ARHGAP32: variants seen among roughly 807,000 people sequenced by gnomAD.
ARHGAP32 encodes the protein rho GTPase-activating protein 32.
Under a neutral mutation model 186.5 loss-of-function variants are expected in ARHGAP32, and 51 were observed. The ratio of observed to expected loss-of-function variants is 0.27; its 90% CI spans 0.22 to 0.35. The LOEUF is 0.35. Among genes scored for constraint, ARHGAP32 ranks in the 10% least tolerant of loss-of-function variants. The pLI, the probability that ARHGAP32 is intolerant of heterozygous loss-of-function variation, is 1.00. For missense variants in ARHGAP32, 2,186 were observed against 2,623.5 expected (o/e 0.83, Z 3.64); for synonymous variants, 950 against 964.3 (o/e 0.99, Z 0.27).
At chr11:129,146,910 G>C (rs1943177576) in intron 2 of ARHGAP32, among the ~76,000 whole-genome samples, 1 of 151,774 alleles carries the variant, frequency 6.6e-6, no homozygotes, top group Admixed American at 6.6e-5. Flanking sequence ...ACTCCATAAA[G>C]GGCTCCCTAA....
At chr11:129,274,753 A>G (rs967368215) in intron 1 of ARHGAP32, among the ~76,000 whole-genome samples, 1 of 150,352 alleles carries the variant, frequency 6.7e-6, no homozygotes. Context: ...ATCTATTTAG[A>G]AAAAAAAAAT....
intron 1 of ARHGAP32, among the ~76,000 whole-genome samples, chr11:129,203,849 G>C (rs546076207): frequency 1.0e-4 from 15 of 149,868 alleles, no homozygotes; most frequent in Non-Finnish European, 1.8e-4. Context: ...GGTGAGCTGT[G>C]ATTGTGCCAC....
At chr11:129,244,782 G>A (rs1365137280) in intron 1 of ARHGAP32, among the ~76,000 whole-genome samples, 1 of 152,040 alleles carries the variant, frequency 6.6e-6, no homozygotes, top group African/African-American at 2.4e-5. Flanking sequence ...TCAAAAAGTG[G>A]GCAAAGGACA....
chr11:128,985,166 G>T (rs542641510), intron 15 of ARHGAP32, among the ~76,000 whole-genome samples: 1 of 151,976 alleles, frequency 6.6e-6, no homozygotes, highest in East Asian at 1.9e-4. Context: ...TTATAGGCGC[G>T]TGCTACCATG....
Position 128,973,386 on chromosome 11 carries a change from T to C in ARHGAP32, c.3120A>G (p.Ser1040=), listed in dbSNP as rs1945450631. Residue 1040 remains serine, a synonymous_variant, in exon 22 of 23, where the codon TCA becomes TCG. Transcript: ENST00000682385. ...GCGGTGGTGGTGGGATAAGAGAGAC[T>C]GAACTGACAGGAACGGAATCCTGAG... ...DPPQDSVPVS[S]VSLIPPPPPP... 1.2e-6 allele frequency: 2 copies of C among 1,613,906 alleles called. No individual in the cohort carries two copies. Among genetic ancestry groups the C allele is most frequent in the Non-Finnish European group, 8.5e-7 (1 of 1,179,996 alleles).
chr11:128,993,122 G>T (rs1776933921), intron 12 of ARHGAP32: 1 of 152,166 alleles, frequency 6.6e-6, no homozygotes, highest in Admixed American at 6.5e-5. Flanking sequence ...CAACAGAGAG[G>T]TACTCAGAAG....
At chr11:129,007,668 C>T (rs1343216118) in intron 11 of ARHGAP32, among the ~76,000 whole-genome samples, 4 of 152,086 alleles carry the variant, frequency 2.6e-5, no homozygotes, top group South Asian at 2.1e-4. Flanking sequence ...AGTCACAAAC[C>T]GTCCTGCCTA....
chr11:128,998,203 A>G, intron 12 of ARHGAP32, 116 bp downstream of exon 12: 1 of 865,536 alleles, frequency 1.2e-6, no homozygotes. Flanking sequence ...TAGTACATGC[A>G]TTGAACTGAA....
intron 1 of ARHGAP32, among the ~76,000 whole-genome samples, chr11:129,214,741 G>A (rs1384191636): frequency 2.0e-5 from 3 of 152,194 alleles, no homozygotes; most frequent in South Asian, 2.1e-4. Flanking sequence ...TTGCTTACGC[G>A]TGACTTCATC....
At chr11:129,172,560 C>A (rs1943790273) in intron 1 of ARHGAP32, among the ~76,000 whole-genome samples, 1 of 152,184 alleles carries the variant, frequency 6.6e-6, no homozygotes, top group Non-Finnish European at 1.5e-5. Context: ...CACTCCTCAA[C>A]AAATGCAAAA....
At chr11:129,274,761 A>T (rs566477308) in intron 1 of ARHGAP32, among the ~76,000 whole-genome samples, 14 of 152,304 alleles carry the variant, frequency 9.2e-5, no homozygotes, top group African/African-American at 3.1e-4. Flanking sequence ...AGAAAAAAAA[A>T]ATTAGCTTTT....
chr11:129,116,397 GACTC>G (rs1942371644), intron 5 of ARHGAP32, among the ~76,000 whole-genome samples: 1 of 152,016 alleles, frequency 6.6e-6, no homozygotes, highest in African/African-American at 2.4e-5. Flanking sequence ...TGGAACTGAT[GACTC>G]ACTATCTGAA....
intron 5 of ARHGAP32, among the ~76,000 whole-genome samples, chr11:129,101,150 TC>T (rs1941886450): frequency 6.6e-6 from 1 of 150,666 alleles, no homozygotes. Flanking sequence ...ATCAGCTGAA[TC>T]CCCTTCATAA....
At chr11:129,186,351 G>C (rs1431614438) in intron 1 of ARHGAP32, among the ~76,000 whole-genome samples, 1 of 152,138 alleles carries the variant, frequency 6.6e-6, no homozygotes, top group Non-Finnish European at 1.5e-5. Context: ...AGAAAGTCTT[G>C]TACTGGCATG....
At chr11:129,090,153 T>C (rs1048860932) in intron 6 of ARHGAP32, among the ~76,000 whole-genome samples, 1 of 152,234 alleles carries the variant, frequency 6.6e-6, no homozygotes, top group Non-Finnish European at 1.5e-5. Context: ...CTATATATTT[T>C]GTTCATGCAC....
At chr11:129,129,304 C>T (rs1262653314) in intron 2 of ARHGAP32, among the ~76,000 whole-genome samples, 2 of 148,792 alleles carry the variant, frequency 1.3e-5, no homozygotes, top group Middle Eastern at 3.6e-3. Context: ...GGACCCCCTC[C>T]GCCCGGCAGC....
intron 1 of ARHGAP32, among the ~76,000 whole-genome samples, chr11:129,254,777 C>A (rs1945231650): frequency 6.6e-6 from 1 of 152,080 alleles, no homozygotes; most frequent in Admixed American, 6.6e-5. Flanking sequence ...AGTATCAGCA[C>A]ACTGAAATGC....
At chr11:129,200,938 T>C (rs574878278) in intron 1 of ARHGAP32, among the ~76,000 whole-genome samples, 1 of 152,214 alleles carries the variant, frequency 6.6e-6, no homozygotes, top group Non-Finnish European at 1.5e-5. Context: ...TATTATTATT[T>C]AAAAGAGAGT....
At chr11:129,088,794 G>A (rs943051439) in intron 6 of ARHGAP32, among the ~76,000 whole-genome samples, 2 of 152,092 alleles carry the variant, frequency 1.3e-5, no homozygotes, top group Non-Finnish European at 2.9e-5. Flanking sequence ...TATAATCCCA[G>A]CACTCTGGGA....
Sources: allele counts gnomAD v4.1 joint callset (sites outside exome capture counted in the v4.1 genomes callset), GRCh38; gene constraint gnomAD v4.1.1; transcripts MANE v1.5; gene names NCBI Gene and HGNC (gene_info 2026-07-23, HGNC 2026-07-21).